Variants in PI4K2B observed in about 807,000 individuals in gnomAD.
PI4K2B encodes phosphatidylinositol 4-kinase type 2-beta.
A neutral mutation model predicts 56.6 loss-of-function variants in PI4K2B; 46 were observed. The observed-to-expected ratio is 0.81, with a 90% CI of 0.64 to 1.04. The LOEUF is 1.04. Among genes scored for constraint, PI4K2B ranks in the 50% least tolerant of loss-of-function variants. PI4K2B has a pLI of 0.00. For missense variants in PI4K2B, 556 were observed against 607.7 expected (o/e 0.91, Z 0.89); for synonymous variants, 211 against 223.8 (o/e 0.94, Z 0.51).
chr4:25,245,683 C>T (rs1165211134), intron 1 of PI4K2B, among the ~76,000 whole-genome samples: 3 of 152,126 alleles, frequency 2.0e-5, no homozygotes, highest in South Asian at 2.1e-4. Context: ...AGCCCCCGTT[C>T]TAAGGAAAAA....
chr4:25,244,388 TTGCA>T (rs1715670850), intron 1 of PI4K2B, among the ~76,000 whole-genome samples: 1 of 152,268 alleles, frequency 6.6e-6, no homozygotes, highest in East Asian at 1.9e-4. Flanking sequence ...GTTGTAAGCT[TTGCA>T]TAGTTGTGTA....
At chr4:25,252,545 T>C in intron 2 of PI4K2B, 70 bp downstream of exon 2, 1 of 973,072 alleles carries the variant, frequency 1.0e-6, no homozygotes, top group African/African-American at 1.6e-5. Flanking sequence ...ATGAAATCAT[T>C]GTGAGTTTCT....
chr4:25,247,213 G>C (rs754266896), intron 1 of PI4K2B, among the ~76,000 whole-genome samples: 2 of 152,240 alleles, frequency 1.3e-5, no homozygotes, highest in Admixed American at 6.5e-5. Context: ...CTGATAATCT[G>C]GTTTAGTTTA....
In PI4K2B at chr4:25,255,274, G is replaced by A; in HGVS notation, c.624+9G>A. 1 of 1,608,278 alleles carries A rather than the reference G, an allele frequency of 6.2e-7. No homozygotes were observed. Among genetic ancestry groups the A allele is most frequent in the Non-Finnish European group, 8.5e-7 (1 of 1,175,006 alleles). On this transcript the variant is annotated intron_variant, in intron 3 of 9. Coordinates refer to ENST00000264864, the MANE Select transcript of PI4K2B (RefSeq NM_018323.4). The stretch of plus-strand genomic sequence containing the variant: ...TTGTACCTAAAACAAAGGTAAGCCA[G>A]ACTTTATTTTTAACCATGGACTTTT...
chr4:25,249,482 C>A (rs1225404600), intron 1 of PI4K2B, among the ~76,000 whole-genome samples: 1 of 146,116 alleles, frequency 6.8e-6, no homozygotes, highest in Non-Finnish European at 1.5e-5. Context: ...CGGGCGGGGG[C>A]TGCCCCCCGC....
At chr4:25,251,496 G>A (rs1424216945) in intron 1 of PI4K2B, among the ~76,000 whole-genome samples, 1 of 152,074 alleles carries the variant, frequency 6.6e-6, no homozygotes, top group Non-Finnish European at 1.5e-5. Flanking sequence ...AATTTAAGCT[G>A]GCCAAGGAGG....
chr4:25,237,873 A>G (rs1186749916), intron 1 of PI4K2B, among the ~76,000 whole-genome samples: 1 of 152,158 alleles, frequency 6.6e-6, no homozygotes, highest in Non-Finnish European at 1.5e-5. Flanking sequence ...GGTTACAGAA[A>G]AAGACCCTGT....
Position 25,275,945 on chromosome 4 carries a change from A to G in PI4K2B, c.1273-1069A>G, listed in dbSNP as rs1717076640. Among the ~76,000 whole-genome samples the G allele has an allele frequency of 2.0e-5, 3 of 152,162 alleles. No homozygotes were observed. The South Asian group carries it at 6.2e-4, about 32-fold the overall frequency. On this transcript the variant is annotated intron_variant, in intron 9 of 9. Coordinates refer to ENST00000264864, the MANE Select transcript of PI4K2B (RefSeq NM_018323.4). ...TAGCAAGACCCCATCTCTACAATCA[A>G]TCAGTCAATCAATCAATCAATCAAC...
intron 9 of PI4K2B, 194 bp from the exon 10 acceptor site, chr4:25,276,820 C>CGT (rs891793056): frequency 3.8e-6 from 3 of 799,510 alleles, no homozygotes; most frequent in Non-Finnish European, 4.5e-6. Flanking sequence ...TGTGTGTGCG[C>CGT]GTGTGTGTGT....
chr4:25,268,436 C>G lies in PI4K2B; in HGVS notation c.1079-7C>G, dbSNP rs956837076. ...CCACTGATTAGGAGAATGCTTTTTT[C>G]TATTAGATCCATTTCACTGGGCTTG... is the stretch of plus-strand genomic sequence containing the variant. On this transcript the variant is annotated splice_region_variant and splice_polypyrimidine_tract_variant and intron_variant, in intron 7 of 9. Transcript: ENST00000264864. 6.3e-7 allele frequency: 1 copy of G among 1,596,416 alleles called. No homozygotes were observed. The highest frequency in any genetic ancestry group is 1.4e-5 in the African/African-American group (1 of 73,674).
intron 2 of PI4K2B, 42 bp from the exon 3 acceptor site, chr4:25,255,023 A>G: frequency 1.6e-6 from 2 of 1,278,898 alleles, no homozygotes; most frequent in Non-Finnish European, 2.2e-6. Context: ...GATTATCTAT[A>G]TATGTAAAAA....
chr4:25,244,589 T>C (rs535499265), intron 1 of PI4K2B, among the ~76,000 whole-genome samples: 3 of 152,296 alleles, frequency 2.0e-5, no homozygotes, highest in South Asian at 4.1e-4. Flanking sequence ...CCGCCTCTTT[T>C]TCAGGGTTTA....
At chr4:25,271,857 A>T (rs1716907849) in intron 9 of PI4K2B, among the ~76,000 whole-genome samples, 1 of 152,218 alleles carries the variant, frequency 6.6e-6, no homozygotes, top group African/African-American at 2.4e-5. Flanking sequence ...TTTAAAAAAT[A>T]CCTGTCTGAG....
Position 25,255,260 on chromosome 4 carries a change from A to G in PI4K2B, c.619A>G (p.Thr207Ala), listed in dbSNP as rs761879315. The change falls in exon 3 of 10, where the codon ACA becomes GCA. Residue 207 changes from threonine to alanine, a missense_variant. By Grantham distance (58) the Thr-to-Ala change is moderately conservative. Transcript: ENST00000264864. ...GCTTCATCTGAGCATTGTACCTAAA[A>G]CAAAGGTAAGCCAGACTTTATTTTT... Reference protein sequence around the residue: ...NKLHLSIVPKTKVVWLVSETF... With the variant: ...NKLHLSIVPKAKVVWLVSETF... 2 of 1,613,172 alleles carry G rather than the reference A, an allele frequency of 1.2e-6. No individual in the cohort carries two copies. Among genetic ancestry groups the G allele is most frequent in the South Asian group, 2.2e-5 (2 of 91,074 alleles).
intron 9 of PI4K2B, among the ~76,000 whole-genome samples, chr4:25,269,639 CA>C (rs201514191): frequency 0.11 from 14,346 of 127,756 alleles, 1,237 homozygotes; most frequent in East Asian, 0.36. Flanking sequence ...AACTCCATCT[CA>C]AAAAAAAAAA....
At chr4:25,260,782 T>G (rs1229990598) in intron 6 of PI4K2B, among the ~76,000 whole-genome samples, 191 bp downstream of exon 6, 1 of 150,794 alleles carries the variant, frequency 6.6e-6, no homozygotes, top group Non-Finnish European at 1.5e-5. Flanking sequence ...TTCTTTCACT[T>G]AATCCTTGGT....
At chr4:25,245,437 G>A (rs1715720730) in intron 1 of PI4K2B, among the ~76,000 whole-genome samples, 1 of 152,098 alleles carries the variant, frequency 6.6e-6, no homozygotes, top group Non-Finnish European at 1.5e-5. Context: ...GCTCATGGCC[G>A]CAGGGTCAAC....
At position 25,265,969 on chromosome 4, in the gene PI4K2B, A is replaced by AT. The variant is rs1477069392; in HGVS notation, c.1078+2126dup. Among the ~76,000 whole-genome samples, 5 of 147,670 alleles carry AT rather than the reference A, an allele frequency of 3.4e-5. No homozygotes were observed. In the East Asian group the frequency reaches 7.9e-4, roughly 23 times the overall value. ...TCAGTTTTTTCTTCAATTTCTATGC[A>AT]TTTTTTGCTTTGTATTTCACGTGTG... On this transcript the variant is annotated intron_variant, in intron 7 of 9. Transcript: ENST00000264864.
chr4:25,243,375 T>C (rs190891425), intron 1 of PI4K2B, among the ~76,000 whole-genome samples: 2 of 152,332 alleles, frequency 1.3e-5, no homozygotes, highest in South Asian at 4.1e-4. Flanking sequence ...AGCATCCTAG[T>C]AAACCACACT....
Sources: gnomAD v4.1 joint callset for allele counts (sites outside exome capture counted in the v4.1 genomes callset) on GRCh38, gnomAD v4.1.1 for gene constraint, MANE v1.5 for transcripts, NCBI Gene and HGNC (gene_info 2026-07-23, HGNC 2026-07-21) for gene names.